Variants in XG observed in about 807,000 individuals in gnomAD.
XG encodes the protein Xg glycoprotein (Xg blood group), also known as glycoprotein Xg.
Under a neutral mutation model 25.7 loss-of-function variants are expected in XG, and 24 were observed. That is an observed-to-expected ratio of 0.93 (90% CI 0.68 to 1.31). The LOEUF (loss-of-function observed/expected upper bound fraction) is 1.31, where lower values mean the gene tolerates loss of function less well. Among genes scored for constraint, XG ranks in the 40% most tolerant of loss-of-function variants. The pLI, the probability that XG is intolerant of heterozygous loss-of-function variation, is 0.00. For synonymous variants in XG, 77 were observed against 69.2 expected (o/e 1.11, Z -0.56); for missense variants, 181 against 187.6 (o/e 0.96, Z 0.21).
chrX:2,800,975 C>CAA lies in XG; in HGVS notation c.373+3637_373+3638dup, dbSNP rs55635919. Among the ~76,000 whole-genome samples, 143 of 35,733 alleles carry CAA rather than the reference C, an allele frequency of 4.0e-3. 1 individual carries two copies. The highest frequency in any genetic ancestry group is 0.016 in the Middle Eastern group (1 of 63). The allele number at this position is 35,733 out of a possible 115,157, so 31.0% of individuals were successfully genotyped here. ...TGGGCCATGGAGTGAGACCCTGTCT[C>CAA]AAAAAAAAAAAAAAAAAAAAAAAGG... On this transcript the variant is annotated intron_variant, in intron 7 of 10. Coordinates refer to ENST00000644266, the MANE Select transcript of XG (RefSeq NM_001141919.2).
chrX:2,767,213 T>C (rs311142), intron 1 of XG, among the ~76,000 whole-genome samples: 99,419 of 151,280 alleles, frequency 0.66, 33,103 homozygotes, highest in South Asian at 0.8. Context: ...GGAATTTGGG[T>C]CCCAGAGGGG....
intron 3 of XG, among the ~76,000 whole-genome samples, chrX:2,780,912 A>AGG (rs1036753018): frequency 1.7e-4 from 26 of 151,990 alleles, no homozygotes; most frequent in Non-Finnish European, 3.2e-4. Flanking sequence ...CAGGGAGCAG[A>AGG]GGGGGGACTT....
At chrX:2,810,134 C>A (rs1164947126) in intron 9 of XG, among the ~76,000 whole-genome samples, 3 of 112,066 alleles carry the variant, frequency 2.7e-5, no homozygotes, top group Admixed American at 9.5e-5. Context: ...ACTCTTCCCC[C>A]CAGCATGGCA....
intron 3 of XG, 126 bp downstream of exon 3, chrX:2,774,865 T>C: frequency 7.9e-7 from 1 of 1,263,690 alleles, no homozygotes; most frequent in Admixed American, 1.8e-5. Flanking sequence ...CTGTACCAGA[T>C]AGCAGATATT....
At position 2,803,882 on chromosome X, in the gene XG, G is replaced by A. The variant is rs545948607; in HGVS notation, c.374-2819G>A. Among the ~76,000 whole-genome samples, 4 of 110,477 alleles carry A rather than the reference G, an allele frequency of 3.6e-5. No homozygotes were observed. The Admixed American group carries it at 3.9e-4, about 11-fold the overall frequency. On this transcript the variant is annotated intron_variant, in intron 7 of 10. Transcript: ENST00000644266. ...TTTCGAGACAGAGTATCACTCTGTT[G>A]CCCAGGCTTGAGTGCAGTGGTGTGA...
chrX:2,787,803 A>G (rs2086798271), intron 4 of XG, among the ~76,000 whole-genome samples: 1 of 108,318 alleles, frequency 9.2e-6, no homozygotes, highest in Non-Finnish European at 1.9e-5. Flanking sequence ...GCTACTTGGG[A>G]GGCTGGGGCC....
chrX:2,778,636 A>G (rs1394382390), intron 3 of XG, among the ~76,000 whole-genome samples: 1 of 152,196 alleles, frequency 6.6e-6, no homozygotes, highest in African/African-American at 2.4e-5. Context: ...TTTGAAACAG[A>G]CTGAATTGTG....
intron 1 of XG, among the ~76,000 whole-genome samples, chrX:2,755,765 A>G (rs2050421140): frequency 6.6e-6 from 1 of 152,262 alleles, no homozygotes; most frequent in Admixed American, 6.5e-5. Flanking sequence ...TGTCCTGGGT[A>G]AAAATTAGTT....
At chrX:2,801,534 G>T (rs1450117444) in intron 7 of XG, among the ~76,000 whole-genome samples, 1 of 110,131 alleles carries the variant, frequency 9.1e-6, no homozygotes, top group Admixed American at 9.7e-5. Context: ...TTATGTAAAT[G>T]GGCTTTCCAG....
At chrX:2,785,978 T>C (rs2086779646) in intron 4 of XG, among the ~76,000 whole-genome samples, 1 of 110,575 alleles carries the variant, frequency 9.0e-6, no homozygotes, top group Non-Finnish European at 1.9e-5. Flanking sequence ...GGCTGGGGGA[T>C]TTATAAGTAT....
chrX:2,761,847 C>G (rs1281618598), intron 1 of XG, among the ~76,000 whole-genome samples: 2 of 152,184 alleles, frequency 1.3e-5, no homozygotes, highest in African/African-American at 4.8e-5. Context: ...TCTCAGACTT[C>G]CAGCTTCCAG....
intron 4 of XG, 138 bp downstream of exon 4, chrX:2,782,266 T>A: frequency 1.4e-6 from 1 of 707,169 alleles, no homozygotes; most frequent in Non-Finnish European, 2.1e-6. Flanking sequence ...GTTTCTTTCC[T>A]CACTGGGGGG....
intron 4 of XG, among the ~76,000 whole-genome samples, chrX:2,786,039 C>T (rs1184568970): frequency 9.1e-6 from 1 of 110,211 alleles, no homozygotes; most frequent in Non-Finnish European, 1.9e-5. Context: ...ATGCTTGGAG[C>T]CCAGTGGTCT....
At chrX:2,801,126 C>T (rs904541776) in intron 7 of XG, among the ~76,000 whole-genome samples, 6 of 110,728 alleles carry the variant, frequency 5.4e-5, no homozygotes, top group East Asian at 2.8e-4. Context: ...TTTATTAAGA[C>T]GGGAATCGCA....
chrX:2,803,638 T>C (rs1385047103), intron 7 of XG, among the ~76,000 whole-genome samples: 2 of 109,638 alleles, frequency 1.8e-5, no homozygotes, highest in African/African-American at 6.6e-5. Context: ...TTTCTGTTCC[T>C]GGGTGGATGG....
chrX:2,770,837 A>ATTATT (rs2050802320), intron 2 of XG, among the ~76,000 whole-genome samples: 1 of 151,984 alleles, frequency 6.6e-6, no homozygotes, highest in East Asian at 1.9e-4. Context: ...CTAGTATTTT[A>ATTATT]TTATTTTATT....
intron 1 of XG, among the ~76,000 whole-genome samples, chrX:2,754,219 C>T (rs1205766212): frequency 6.6e-6 from 1 of 152,140 alleles, no homozygotes; most frequent in South Asian, 2.1e-4. Flanking sequence ...CCACCTCAGC[C>T]TCCAGAGTAG....
chrX:2,789,596 T>C (rs766389733), intron 4 of XG, 48 bp from the exon 5 acceptor site: 1 of 892,829 alleles, frequency 1.1e-6, no homozygotes, highest in African/African-American at 2.0e-5. Flanking sequence ...GGTATCTACC[T>C]GAAAGATGTC....
chrX:2,804,713 T>C (rs1226568492), intron 7 of XG, among the ~76,000 whole-genome samples: 5 of 111,664 alleles, frequency 4.5e-5, no homozygotes, highest in Non-Finnish European at 9.4e-5. Flanking sequence ...CCTGATCGTT[T>C]CCTGTTTTCC....
Sources: gnomAD v4.1 joint callset for allele counts (sites outside exome capture counted in the v4.1 genomes callset) on GRCh38, gnomAD v4.1.1 for gene constraint, MANE v1.5 for transcripts, NCBI Gene and HGNC (gene_info 2026-07-23, HGNC 2026-07-21) for gene names.